The following ADAMTSL5 variants were observed in gnomAD, a reference collection of about 807,000 sequenced individuals.
The protein encoded by ADAMTSL5 is ADAMTS-like protein 5.
In ADAMTSL5, 53 loss-of-function variants were observed where a neutral mutation model predicts 51.7. The observed-to-expected ratio is 1.03, with a 90% CI of 0.82 to 1.29. The LOEUF (loss-of-function observed/expected upper bound fraction) is 1.29, where lower values mean the gene tolerates loss of function less well. Ranked by LOEUF, ADAMTSL5 falls within the 50% of genes most tolerant of loss-of-function variation. ADAMTSL5 has a pLI of 0.00. For missense variants in ADAMTSL5, 770 were observed against 676.2 expected (o/e 1.14, Z -1.54); for synonymous variants, 285 against 278.7 (o/e 1.02, Z -0.23).
Position 1,507,097 on chromosome 19 carries a change from CT to C in ADAMTSL5, c.852+144del, listed in dbSNP as rs1032420171. On this transcript the variant is annotated intron_variant, in intron 9 of 11. Coordinates refer to ENST00000330475, the MANE Select transcript of ADAMTSL5 (RefSeq NM_213604.3). Reference sequence around the variant, plus strand: ...TCTGACCCTGTCCCCACCCTCCCCCCTCTGATGCTCTGTCCCAGCCTCTCCC... The same window carrying C: ...TCTGACCCTGTCCCCACCCTCCCCCCCTGATGCTCTGTCCCAGCCTCTCCC... 7.3e-6 allele frequency: 9 copies of C among 1,232,790 alleles called. No homozygotes were observed. In the African/African-American group the frequency reaches 1.2e-4, roughly 17 times the overall value. 76.4% of individuals were successfully genotyped at this position (1,232,790 alleles called of 1,614,324 possible). A position where few individuals can be genotyped will look rare whatever the true frequency, so the allele number is the denominator to read the frequency against.
At chr19:1,508,278 G>C in intron 6 of ADAMTSL5, 165 bp downstream of exon 6, 1 of 1,178,852 alleles carries the variant, frequency 8.5e-7, no homozygotes, top group African/African-American at 1.6e-5. Context: ...CCGGGAGTGG[G>C]TGCCTAAGGG....
chr19:1,510,920 G>A lies in ADAMTSL5; in HGVS notation c.24C>T (p.Pro8=). The A allele has an allele frequency of 6.8e-7, 1 of 1,463,294 alleles. No homozygotes were observed. The highest frequency in any genetic ancestry group is 9.0e-7 in the Non-Finnish European group (1 of 1,117,122). The allele number at this position is 1,463,294 out of a possible 1,614,324, so 90.6% of individuals were successfully genotyped here. The change falls in exon 2 of 12, where the codon CCC becomes CCT. Residue 8 remains proline, a synonymous_variant. Transcript: ENST00000330475. ...GGAGGTTCTGGAAGAGGTGGGGCCTGGGGAACAGAGGGGCCGAGTCCATAG... is the reference window on the plus strand; with the variant it reads ...GGAGGTTCTGGAAGAGGTGGGGCCTAGGGAACAGAGGGGCCGAGTCCATAG... MDSAPLF[P]RPHLFQNLLL...
intron 1 of ADAMTSL5, chr19:1,511,640 G>A (rs1913269597): frequency 1.6e-6 from 2 of 1,225,270 alleles, no homozygotes; most frequent in Non-Finnish European, 2.1e-6. Flanking sequence ...CGTGTGGCCT[G>A]AGGCCAGCCA....
rs1337944724 is a variant in ADAMTSL5, at chr19:1,506,244, A to G, written c.1187T>C (p.Val396Ala). Residue 396 changes from valine to alanine, a missense_variant, in exon 12 of 12, where the codon GTC becomes GCC. By Grantham distance (64) the Val-to-Ala change is moderately conservative. Coordinates refer to ENST00000330475, the MANE Select transcript of ADAMTSL5 (RefSeq NM_213604.3). This position sits in a 1 kb window ranked among gnomAD's most constrained non-coding sequence, Gnocchi z 5.6. ...ETRYEVRIQLVYKNRSPLRAR... is the reference protein window; with the variant it reads ...ETRYEVRIQLAYKNRSPLRAR... ...CCGCAGTGGCGAGCGGTTCTTGTAG[A>G]CGAGCTGGATGCGCACCTCATAGCG... The G allele has an allele frequency of 6.3e-7, 1 of 1,585,700 alleles. No homozygotes were observed. The highest frequency in any genetic ancestry group is 8.6e-7 in the Non-Finnish European group (1 of 1,163,848).
intron 1 of ADAMTSL5, among the ~76,000 whole-genome samples, chr19:1,512,537 C>A (rs147581702): frequency 3.9e-5 from 6 of 152,250 alleles, no homozygotes; most frequent in Middle Eastern, 3.4e-3. Context: ...AAAATTAGCC[C>A]GGTGTGGTGG....
Position 1,506,764 on chromosome 19 carries a change from A to G in ADAMTSL5, c.1017T>C (p.Pro339=), listed in dbSNP as rs1386310912. Residue 339 remains proline (P), a synonymous_variant, in exon 10 of 12, where the codon CCT becomes CCC. Transcript: ENST00000330475. The surrounding 1 kb of genome is among the most constrained non-coding windows in gnomAD (Gnocchi z 5.6). The part of the protein sequence containing the change: ...PQPPAAPAVT[P]AQTPTLAPDP... The stretch of plus-strand genomic sequence containing the variant: ...CTGGGGCCAGCGTTGGGGTCTGTGC[A>G]GGGGTGACAGCAGGGGCTGCGGGGG... 9.0e-6 allele frequency: 14 copies of G among 1,552,284 alleles called. No homozygotes were observed. Among genetic ancestry groups the G allele is most frequent in the Non-Finnish European group, 1.1e-5 (13 of 1,149,364 alleles).
chr19:1,508,205 G>T, intron 6 of ADAMTSL5, 96 bp from the exon 7 acceptor site: 1 of 1,365,024 alleles, frequency 7.3e-7, no homozygotes. Flanking sequence ...GAGGCCTGGA[G>T]GGAAGATGGG....
In ADAMTSL5 at chr19:1,510,839, C is replaced by G. The variant is rs573819002; in HGVS notation, c.99+6G>C. The G allele has an allele frequency of 9.7e-6, 15 of 1,546,710 alleles. No individual in the cohort carries two copies. In the East Asian group the frequency reaches 9.8e-5, roughly 10 times the overall value. On this transcript the variant is annotated splice_donor_region_variant and intron_variant, in intron 2 of 11. Transcript: ENST00000330475. ...CGCCACCCCCTGGGCTCATGCCCCCCCTTACCTGAGCACTGACCCCCAAAC... is the reference window on the plus strand; with the variant it reads ...CGCCACCCCCTGGGCTCATGCCCCCGCTTACCTGAGCACTGACCCCCAAAC...
chr19:1,506,089 C>A lies in ADAMTSL5; in HGVS notation c.1342G>T (p.Ala448Ser), dbSNP rs539101948. Residue 448 changes from alanine to serine, a missense_variant, in exon 12 of 12, where the codon GCC becomes TCC. By Grantham distance (99) the Ala-to-Ser change is moderately conservative (BLOSUM62 1). Transcript: ENST00000330475. This position sits in a 1 kb window ranked among gnomAD's most constrained non-coding sequence, Gnocchi z 5.6. Reference sequence around the variant, plus strand: ...GGGCTCCAGGGCCGGGCGTAGCCGGCGTGGGGCAGCAGCAGCTGGTCCTGT... The same window carrying A: ...GGGCTCCAGGGCCGGGCGTAGCCGGAGTGGGGCAGCAGCAGCTGGTCCTGT... The part of the protein sequence containing the change: ...GTQDQLLLPH[A>S]GYARPWSPAE... The A allele has an allele frequency of 1.1e-5, 18 of 1,602,328 alleles. No homozygotes were observed. Among genetic ancestry groups the A allele is most frequent in the Non-Finnish European group, 1.4e-5 (16 of 1,177,070 alleles).
intron 1 of ADAMTSL5, among the ~76,000 whole-genome samples, 171 bp downstream of exon 1, chr19:1,512,792 G>A (rs1330473481): frequency 3.3e-5 from 5 of 151,846 alleles, no homozygotes; most frequent in Admixed American, 2.6e-4. Context: ...TGAAAAGTGG[G>A]GGGCTACAAG....
At position 1,508,511 on chromosome 19, in the gene ADAMTSL5, C is replaced by A; in HGVS notation, c.421G>T (p.Gly141Cys). The change falls in exon 6 of 12, where the codon GGC becomes TGC. Residue 141 changes from glycine (G) to cysteine (C), a missense_variant. Gly to Cys is a radical substitution (Grantham distance 159, BLOSUM62 -3). Transcript: ENST00000330475. ...CAGGCGGTGCCGTCCAGGACGCGGC[C>A]GAAGCTGTGGTAGAAGGCGTGCCCC... Reference protein sequence around the residue: ...AEGHAFYHSFGRVLDGTACSP... With the variant: ...AEGHAFYHSFCRVLDGTACSP... 1 of 1,586,842 alleles carries A rather than the reference C, an allele frequency of 6.3e-7. No homozygotes were observed. Among genetic ancestry groups the A allele is most frequent in the South Asian group, 1.1e-5 (1 of 88,546 alleles).
chr19:1,507,444 C>G (rs752134562), intron 8 of ADAMTSL5, 39 bp from the exon 9 acceptor site: 1 of 1,597,920 alleles, frequency 6.3e-7, no homozygotes, highest in Non-Finnish European at 8.5e-7. Context: ...CCTGTCGTCT[C>G]GTCTCCCAGA....
At chr19:1,512,530 A>C (rs1267209313) in intron 1 of ADAMTSL5, among the ~76,000 whole-genome samples, 1 of 152,162 alleles carries the variant, frequency 6.6e-6, no homozygotes, top group Non-Finnish European at 1.5e-5. Context: ...AAACACAAAA[A>C]TTAGCCCGGT....
chr19:1,510,273 AG>A lies in ADAMTSL5; in HGVS notation c.253-16del, dbSNP rs1568244454. The A allele has an allele frequency of 1.2e-6, 2 of 1,613,020 alleles. No homozygotes were observed. The highest frequency in any genetic ancestry group is 2.2e-5 in the East Asian group (1 of 44,874). On this transcript the variant is annotated splice_polypyrimidine_tract_variant and intron_variant, in intron 4 of 11. Transcript: ENST00000330475. Reference sequence around the variant, plus strand: ...GGGGGGCAGTCCTAGGGACAGAGATAGGTGAGCCAGAGGCTGGGACAACCCC... The same window carrying A: ...GGGGGGCAGTCCTAGGGACAGAGATAGTGAGCCAGAGGCTGGGACAACCCC...
In ADAMTSL5 at chr19:1,505,067, G is replaced by A. The variant is rs567204739; in HGVS notation, c.*948C>T. 3.3e-5 allele frequency: 5 copies of A among 152,060 alleles called. No homozygotes were observed. The East Asian group carries it at 7.7e-4, about 24-fold the overall frequency. The allele number at this position is 152,060 out of a possible 1,614,324, so 9.4% of individuals were successfully genotyped here. A position where few individuals can be genotyped will look rare whatever the true frequency, so the allele number is the denominator to read the frequency against. The stretch of plus-strand genomic sequence containing the variant: ...AAAAAGTGCTTGTAAAAATTAAAGA[G>A]GAATAAAAGGGGGGTGAACAGCCAG... On this transcript the variant is annotated 3_prime_UTR_variant, in exon 12 of 12. Transcript: ENST00000330475.
chr19:1,509,336 G>C (rs1434651141), intron 5 of ADAMTSL5, among the ~76,000 whole-genome samples: 1 of 150,830 alleles, frequency 6.6e-6, no homozygotes, highest in Non-Finnish European at 1.5e-5. Context: ...TGTTTGTCCA[G>C]TACTGACTGG....
At chr19:1,508,850 C>A (rs888042449) in intron 5 of ADAMTSL5, 5 of 352,614 alleles carry the variant, frequency 1.4e-5, no homozygotes, top group Non-Finnish European at 2.6e-5. Flanking sequence ...ATTTTTAACA[C>A]CATTACTCAT....
rs1449651766 is a variant in ADAMTSL5, at chr19:1,510,907, A to G, written c.37T>C (p.Phe13Leu). Residue 13 changes from phenylalanine to leucine, a missense_variant, in exon 2 of 12, where the codon TTC becomes CTC. Phe to Leu is a conservative substitution (Grantham distance 22). Coordinates refer to ENST00000330475, the MANE Select transcript of ADAMTSL5 (RefSeq NM_213604.3). ...CACAGGAAGAGCAGGAGGTTCTGGA[A>G]GAGGTGGGGCCTGGGGAACAGAGGG... Reference protein sequence around the residue: ...SAPLFPRPHLFQNLLLFLWAL... With the variant: ...SAPLFPRPHLLQNLLLFLWAL... 6.7e-7 allele frequency: 1 copy of G among 1,498,910 alleles called. No individual in the cohort carries two copies. The highest frequency in any genetic ancestry group is 2.6e-5 in the East Asian group (1 of 39,130). The allele number at this position is 1,498,910 out of a possible 1,614,324, so 92.9% of individuals were successfully genotyped here.
Position 1,510,147 on chromosome 19 carries a change from C to T in ADAMTSL5, c.361+3G>A. On this transcript the variant is annotated splice_donor_region_variant and intron_variant, in intron 5 of 11. Coordinates refer to ENST00000330475, the MANE Select transcript of ADAMTSL5 (RefSeq NM_213604.3). ...TCTGACCACAGGAGACCAGACTACTCACCCCCATGGAAGGGCACCCACTGG... is the reference window on the plus strand; with the variant it reads ...TCTGACCACAGGAGACCAGACTACTTACCCCCATGGAAGGGCACCCACTGG... The T allele has an allele frequency of 6.2e-7, 1 of 1,607,192 alleles. No homozygotes were observed. The highest frequency in any genetic ancestry group is 8.5e-7 in the Non-Finnish European group (1 of 1,176,660).
Sources: gnomAD v4.1 joint callset for allele counts (sites outside exome capture counted in the v4.1 genomes callset) on GRCh38, gnomAD v4.1.1 for gene constraint, Gnocchi (gnomAD v3.1) non-coding constraint, MANE v1.5 for transcripts, NCBI Gene and HGNC (gene_info 2026-07-23, HGNC 2026-07-21) for gene names.